CPNE4: variants seen among roughly 807,000 people sequenced by gnomAD.
CPNE4 encodes copine 4.
CPNE4 carries 25 observed loss-of-function variants against 67.9 expected under a neutral mutation model. That is an observed-to-expected ratio of 0.37 (90% confidence interval 0.27 to 0.51). The LOEUF is 0.51. Among genes scored for constraint, CPNE4 ranks in the 20% least tolerant of loss-of-function variants. The pLI, the probability that CPNE4 is intolerant of heterozygous loss-of-function variation, is 0.93. For missense variants in CPNE4, 464 were observed against 690.8 expected (o/e 0.67, Z 3.68); for synonymous variants, 242 against 244.9 (o/e 0.99, Z 0.11).
At chr3:131,820,947 G>A in intron 2 of CPNE4, among the ~76,000 whole-genome samples, 1 of 152,162 alleles carries the variant, frequency 6.6e-6, no homozygotes, top group East Asian at 1.9e-4. Flanking sequence ...CCATCAACAA[G>A]TAAACAACAG....
At chr3:132,015,283 T>C (rs1314311559) in intron 1 of CPNE4, among the ~76,000 whole-genome samples, 1 of 152,176 alleles carries the variant, frequency 6.6e-6, no homozygotes, top group African/African-American at 2.4e-5. Context: ...GAGAGTTAAA[T>C]AAAATAATAT....
At chr3:131,866,313 C>T (rs2086948643) in intron 2 of CPNE4, among the ~76,000 whole-genome samples, 1 of 152,180 alleles carries the variant, frequency 6.6e-6, no homozygotes, top group African/African-American at 2.4e-5. Flanking sequence ...AAGTTATTGG[C>T]ATTCGTTTAG....
intron 7 of CPNE4, among the ~76,000 whole-genome samples, chr3:131,660,053 A>G (rs952612794): frequency 6.6e-6 from 1 of 152,162 alleles, no homozygotes; most frequent in Non-Finnish European, 1.5e-5. Context: ...TTCATATTGT[A>G]TTTCAACGAT....
At chr3:131,727,422 G>GTCT (rs2082026514) in intron 2 of CPNE4, among the ~76,000 whole-genome samples, 1 of 151,764 alleles carries the variant, frequency 6.6e-6, no homozygotes, top group African/African-American at 2.4e-5. Context: ...GTGAAACCCC[G>GTCT]CCACTGCACT....
chr3:131,739,055 A>T (rs929760884), intron 2 of CPNE4, among the ~76,000 whole-genome samples: 3 of 152,026 alleles, frequency 2.0e-5, no homozygotes, highest in South Asian at 2.1e-4. Flanking sequence ...GGGTTTCGCC[A>T]TGTTGGCCAG....
chr3:131,930,846 T>A (rs1223681456), intron 1 of CPNE4, among the ~76,000 whole-genome samples: 2 of 152,114 alleles, frequency 1.3e-5, no homozygotes, highest in Non-Finnish European at 2.9e-5. Flanking sequence ...CTCTCACACC[T>A]GATTCCTATA....
intron 1 of CPNE4, among the ~76,000 whole-genome samples, chr3:132,014,251 C>T (rs1583598958): frequency 6.6e-6 from 1 of 152,132 alleles, no homozygotes; most frequent in East Asian, 1.9e-4. Context: ...GAATGGAGCA[C>T]CCTCTCAGAG....
chr3:131,766,838 A>C (rs2107824951), intron 2 of CPNE4, among the ~76,000 whole-genome samples: 1 of 152,288 alleles, frequency 6.6e-6, no homozygotes, highest in South Asian at 2.1e-4. Flanking sequence ...TGTTCATAAT[A>C]CATTTTACAA....
chr3:131,917,479 G>A (rs200350647), intron 1 of CPNE4, among the ~76,000 whole-genome samples: 1 of 152,062 alleles, frequency 6.6e-6, no homozygotes, highest in Non-Finnish European at 1.5e-5. Context: ...TGGGGAGGAG[G>A]AAAGCCACTA....
chr3:131,738,739 T>C (rs941254623), intron 2 of CPNE4, among the ~76,000 whole-genome samples: 2 of 152,254 alleles, frequency 1.3e-5, no homozygotes, highest in South Asian at 2.1e-4. Context: ...ATGGTTCACT[T>C]GCAATTCCTT....
At chr3:131,576,831 T>C (rs935322951) in intron 9 of CPNE4, among the ~76,000 whole-genome samples, 12 of 151,986 alleles carry the variant, frequency 7.9e-5, no homozygotes, top group Admixed American at 6.6e-5. Flanking sequence ...ATCAAAACCA[T>C]GTGAGTGGTT....
intron 1 of CPNE4, among the ~76,000 whole-genome samples, chr3:131,994,957 C>CT (rs1351685551): frequency 1.3e-5 from 2 of 152,148 alleles, no homozygotes; most frequent in East Asian, 3.9e-4. Context: ...TCCTGTTCAA[C>CT]TTTTAAGGTG....
chr3:131,887,266 G>A (rs2087932480), intron 2 of CPNE4, among the ~76,000 whole-genome samples: 1 of 152,172 alleles, frequency 6.6e-6, no homozygotes, highest in African/African-American at 2.4e-5. Context: ...CTCTTTGCCT[G>A]CCACCATCCA....
intron 6 of CPNE4, among the ~76,000 whole-genome samples, chr3:131,683,602 A>G (rs757510665): frequency 1.1e-4 from 16 of 152,028 alleles, no homozygotes; most frequent in Non-Finnish European, 1.6e-4. Context: ...TGGGGCACGC[A>G]TTCCTTGGTG....
rs531072706 is a variant in CPNE4, at chr3:131,910,316, T to C, written c.-1-4872A>G. ...GTAGCCATGCAAATGACCATAGCTC[T>C]ATCTGCAAGCCTTCAGATATCACTG... On this transcript the variant is annotated intron_variant, in intron 1 of 15. Coordinates refer to ENST00000429747, the MANE Select transcript of CPNE4 (RefSeq NM_130808.3). 6.2e-4 allele frequency among the ~76,000 whole-genome samples: 95 copies of C among 152,318 alleles called. 1 individual carries two copies. In the South Asian group the frequency reaches 0.019, roughly 31 times the overall value.
intron 10 of CPNE4, among the ~76,000 whole-genome samples, chr3:131,570,294 T>C (rs1937266761): frequency 6.6e-6 from 1 of 151,314 alleles, no homozygotes; most frequent in Non-Finnish European, 1.5e-5. Flanking sequence ...TTGATTTTTC[T>C]ACCATTTTCT....
chr3:131,791,792 AG>A (rs897395609), intron 2 of CPNE4, among the ~76,000 whole-genome samples: 21 of 152,284 alleles, frequency 1.4e-4, no homozygotes, highest in African/African-American at 4.3e-4. Flanking sequence ...TTGGGAAGGC[AG>A]GTAAATTATT....
chr3:131,722,059 G>C (rs929982923), intron 3 of CPNE4, among the ~76,000 whole-genome samples: 1 of 152,158 alleles, frequency 6.6e-6, no homozygotes, highest in Non-Finnish European at 1.5e-5. Context: ...ATATTTTCTG[G>C]AAAAGGGGAA....
intron 1 of CPNE4, among the ~76,000 whole-genome samples, chr3:131,981,321 G>A (rs559353793): frequency 6.6e-6 from 1 of 151,992 alleles, no homozygotes; most frequent in African/African-American, 2.4e-5. Flanking sequence ...GTGGGGGTGG[G>A]GCTAGGCATG....
Sources: allele counts gnomAD v4.1 joint callset (sites outside exome capture counted in the v4.1 genomes callset), GRCh38; gene constraint gnomAD v4.1.1; transcripts MANE v1.5; gene names NCBI Gene and HGNC (gene_info 2026-07-23, HGNC 2026-07-21).